Variants in ACACA observed in about 807,000 individuals in gnomAD.
ACACA encodes the protein acetyl-CoA carboxylase alpha.
ACACA carries 103 observed loss-of-function variants against 296.1 expected under a neutral mutation model. The ratio of observed to expected loss-of-function variants is 0.35; its 90% confidence interval spans 0.30 to 0.41. ACACA has a LOEUF of 0.41. Among genes scored for constraint, ACACA ranks in the 10% least tolerant of loss-of-function variants. ACACA has a pLI of 1.00. For missense variants in ACACA, 1,554 were observed against 2,989.7 expected (o/e 0.52, Z 11.20); for synonymous variants, 953 against 1,038.6 (o/e 0.92, Z 1.58).
chr17:37,395,900 TTAAGA>T (rs1282640864), intron 1 of ACACA, among the ~76,000 whole-genome samples: 2 of 152,138 alleles, frequency 1.3e-5, no homozygotes, highest in South Asian at 2.1e-4. Flanking sequence ...GGCCCAAAAA[TTAAGA>T]TAGGTAGTTG....
intron 24 of ACACA, among the ~76,000 whole-genome samples, chr17:37,238,395 T>G (rs910256377): frequency 5.9e-5 from 9 of 151,790 alleles, no homozygotes; most frequent in African/African-American, 2.2e-4. Flanking sequence ...ATAAAATAAG[T>G]TTTCATATAT....
At position 37,099,478 on chromosome 17, in the gene ACACA, T is replaced by G. The variant is rs1168409379; in HGVS notation, c.6566-1494A>C. On this transcript the variant is annotated intron_variant, in intron 52 of 55. Coordinates refer to ENST00000616317, the MANE Select transcript of ACACA (RefSeq NM_198834.3). ...GCGGGAGGGCTGAGGGATGGAGGGC[T>G]GATGGGAGGAGGGCTGATGGGAGGA... is the stretch of plus-strand genomic sequence containing the variant. 3.5e-5 allele frequency among the ~76,000 whole-genome samples: 5 copies of G among 144,038 alleles called. 1 individual carries two copies. The highest frequency in any genetic ancestry group is 7.9e-5 in the Non-Finnish European group (5 of 63,300). The allele number at this position is 144,038 out of a possible 152,430, so 94.5% of individuals were successfully genotyped here.
intron 52 of ACACA, among the ~76,000 whole-genome samples, chr17:37,103,990 CTA>C (rs1420704652): frequency 6.6e-6 from 1 of 152,168 alleles, no homozygotes; most frequent in African/African-American, 2.4e-5. Context: ...CTGCGGTGAA[CTA>C]TGATTGTGCT....
chr17:37,315,644 G>A (rs2047053135), intron 3 of ACACA, among the ~76,000 whole-genome samples: 1 of 152,162 alleles, frequency 6.6e-6, no homozygotes, highest in South Asian at 2.1e-4. Flanking sequence ...CAGGAAAAGA[G>A]TTTACTTACT....
At position 37,096,948 on chromosome 17, in the gene ACACA, G is replaced by C. The variant is rs200900682; in HGVS notation, c.6891+48C>G. 1.2e-5 allele frequency: 19 copies of C among 1,607,878 alleles called. No homozygotes were observed. In the East Asian group the frequency reaches 4.2e-4, roughly 36 times the overall value. The stretch of plus-strand genomic sequence containing the variant: ...CTGGCGAGACTTGCAGCCCTCAGGT[G>C]GTGTGAGGAACTCAGCAAAAAGGCT... On this transcript the variant is annotated intron_variant, in intron 54 of 55. Coordinates refer to ENST00000616317, the MANE Select transcript of ACACA (RefSeq NM_198834.3).
chr17:37,143,628 C>T (rs904347680), intron 45 of ACACA: 10 of 866,634 alleles, frequency 1.2e-5, no homozygotes, highest in South Asian at 1.6e-5. Context: ...GAGTTGTATA[C>T]AGGGGGGTTA....
intron 54 of ACACA, among the ~76,000 whole-genome samples, chr17:37,096,067 A>T (rs1239586472): frequency 1.3e-5 from 2 of 152,170 alleles, no homozygotes; most frequent in African/African-American, 2.4e-5. Context: ...ACTTCCTTCC[A>T]TCTCTGATTG....
At chr17:37,304,564 G>A (rs2083778834) in intron 3 of ACACA, among the ~76,000 whole-genome samples, 1 of 152,124 alleles carries the variant, frequency 6.6e-6, no homozygotes, top group African/African-American at 2.4e-5. Flanking sequence ...GAAGGTAGAG[G>A]CGGGCAATAA....
rs61746137 is a variant in ACACA, at chr17:37,192,180, G to A, written c.4326C>T (p.Leu1442=). The A allele has an allele frequency of 6.0e-5, 97 of 1,613,898 alleles. No homozygotes were observed. The highest frequency in any genetic ancestry group is 1.6e-4 in the East Asian group (7 of 44,882). The change falls in exon 37 of 56, where the codon CTC becomes CTT. Residue 1442 remains leucine (L), a synonymous_variant. Transcript: ENST00000616317. The part of the protein sequence containing the change: ...PCANHKMHLY[L]GAAKVEVGTE... ...TGCCCACTTCCACCTTGGCTGCCCCGAGATACAGGTGCATCTTGTGATTAG... is the reference window on the plus strand; with the variant it reads ...TGCCCACTTCCACCTTGGCTGCCCCAAGATACAGGTGCATCTTGTGATTAG...
intron 1 of ACACA, among the ~76,000 whole-genome samples, chr17:37,380,229 A>G (rs1297786336): frequency 7.2e-6 from 1 of 138,716 alleles, no homozygotes; most frequent in East Asian, 2.1e-4. Flanking sequence ...GAACAATGAG[A>G]TCACATGGAC....
chr17:37,180,012 A>G (rs962667753), intron 40 of ACACA, among the ~76,000 whole-genome samples: 1 of 152,186 alleles, frequency 6.6e-6, no homozygotes, highest in African/African-American at 2.4e-5. Context: ...TATGATTTCC[A>G]TTTCCAACTT....
At chr17:37,375,199 A>T (rs2049953194) in intron 1 of ACACA, among the ~76,000 whole-genome samples, 1 of 149,394 alleles carries the variant, frequency 6.7e-6, no homozygotes, top group African/African-American at 2.5e-5. Context: ...ATTTCACAAA[A>T]AAAAAGGCCA....
At chr17:37,390,175 T>TATATATATACATACAC (rs60788220) in intron 1 of ACACA, among the ~76,000 whole-genome samples, 4 of 44,508 alleles carry the variant, frequency 9.0e-5, no homozygotes, top group Non-Finnish European at 3.6e-5. Context: ...TATATATATA[T>TATATATATACATACAC]ACACACACAC....
chr17:37,397,524 G>T (rs370252454), intron 1 of ACACA, among the ~76,000 whole-genome samples: 8 of 152,220 alleles, frequency 5.3e-5, no homozygotes, highest in African/African-American at 1.9e-4. Flanking sequence ...TTACCAGGGA[G>T]ATGCAAACCA....
intron 49 of ACACA, 39 bp downstream of exon 49, chr17:37,122,492 C>A: frequency 1.3e-6 from 2 of 1,546,280 alleles, no homozygotes; most frequent in Non-Finnish European, 1.8e-6. Flanking sequence ...AGAGAAAAAC[C>A]CTCCAAGCAC....
At chr17:37,277,739 T>C (rs2082339598) in intron 6 of ACACA, among the ~76,000 whole-genome samples, 157 bp downstream of exon 6, 1 of 152,238 alleles carries the variant, frequency 6.6e-6, no homozygotes, top group African/African-American at 2.4e-5. Flanking sequence ...ATTATTTCCA[T>C]CTTTCTTTTC....
At chr17:37,130,850 C>T (rs2075058942) in intron 45 of ACACA, among the ~76,000 whole-genome samples, 1 of 151,768 alleles carries the variant, frequency 6.6e-6, no homozygotes, top group Non-Finnish European at 1.5e-5. Flanking sequence ...TAAAGAAACT[C>T]TGGGGGCTTA....
chr17:37,186,999 C>T (rs1333750950), intron 39 of ACACA, among the ~76,000 whole-genome samples: 1 of 152,088 alleles, frequency 6.6e-6, no homozygotes, highest in Non-Finnish European at 1.5e-5. Context: ...ATAGACCTGC[C>T]TTGAAGCTAT....
intron 1 of ACACA, among the ~76,000 whole-genome samples, chr17:37,341,254 A>C (rs1212940573): frequency 6.6e-6 from 1 of 152,202 alleles, no homozygotes; most frequent in African/African-American, 2.4e-5. Flanking sequence ...GCAAGTTATA[A>C]CCAATATTTT....
Sources: allele counts gnomAD v4.1 joint callset (sites outside exome capture counted in the v4.1 genomes callset), GRCh38; gene constraint gnomAD v4.1.1; transcripts MANE v1.5; gene names NCBI Gene and HGNC (gene_info 2026-07-23, HGNC 2026-07-21).